JARID2: variants seen among roughly 807,000 people sequenced by gnomAD.
JARID2 encodes protein Jumonji.
Under a neutral mutation model 125.6 loss-of-function variants are expected in JARID2, and 21 were observed. That is an observed-to-expected ratio of 0.17 (90% CI 0.12 to 0.24). The LOEUF (loss-of-function observed/expected upper bound fraction) is 0.24, where lower values mean the gene tolerates loss of function less well. Ranked by LOEUF, JARID2 falls within the 10% of genes least tolerant of loss-of-function variation. JARID2 has a pLI of 1.00. For missense variants in JARID2, 1,303 were observed against 1,639.6 expected (o/e 0.79, Z 3.55); for synonymous variants, 736 against 661.6 (o/e 1.11, Z -1.73).
intron 1 of JARID2, among the ~76,000 whole-genome samples, chr6:15,283,350 T>A (rs1581366049): frequency 6.7e-6 from 1 of 148,784 alleles, no homozygotes; most frequent in Non-Finnish European, 1.5e-5. Flanking sequence ...TATTTTTTTT[T>A]TTTTTTTTGA....
intron 1 of JARID2, among the ~76,000 whole-genome samples, chr6:15,343,908 A>C (rs771530379): frequency 1.6e-4 from 25 of 152,122 alleles, no homozygotes; most frequent in Non-Finnish European, 3.2e-4. Context: ...TGCTACTTTT[A>C]GATTTACCTG....
intron 16 of JARID2, among the ~76,000 whole-genome samples, chr6:15,516,731 A>G (rs760080187): frequency 1.2e-3 from 178 of 152,314 alleles, no homozygotes; most frequent in Non-Finnish European, 1.8e-3. Flanking sequence ...GGAGTCCTCC[A>G]TGTTCCACAT....
chr6:15,322,572 A>G (rs570706203), intron 1 of JARID2, among the ~76,000 whole-genome samples: 2 of 152,300 alleles, frequency 1.3e-5, no homozygotes, highest in South Asian at 4.2e-4. Context: ...AGTTTTAATG[A>G]CATGAGAAAT....
chr6:15,496,506 G>A lies in JARID2; in HGVS notation c.1281G>A (p.Leu427=). Reference sequence around the variant, plus strand: ...CTAAGGAGGTGGGGGGGCGGCAGCTGCGGGAGGGCCTGCAGCTGCGGGAGG... The same window carrying A: ...CTAAGGAGGTGGGGGGGCGGCAGCTACGGGAGGGCCTGCAGCTGCGGGAGG... ...SCTKEVGGRQ[L]REGLQLREGL... Residue 427 remains leucine (L), a synonymous_variant, in exon 7 of 18, where the codon CTG becomes CTA. Coordinates refer to ENST00000341776, the MANE Select transcript of JARID2 (RefSeq NM_004973.4). 1 of 1,606,952 alleles carries A rather than the reference G, an allele frequency of 6.2e-7. No individual in the cohort carries two copies. Among genetic ancestry groups the A allele is most frequent in the African/African-American group, 1.3e-5 (1 of 74,928 alleles).
intron 1 of JARID2, among the ~76,000 whole-genome samples, chr6:15,304,303 T>TCCC (rs61333394): frequency 1.5e-4 from 4 of 26,746 alleles, no homozygotes; most frequent in South Asian, 1.6e-3. Context: ...AATTTGCTGA[T>TCCC]CCCCCCCCCC....
intron 1 of JARID2, among the ~76,000 whole-genome samples, chr6:15,301,671 T>A (rs1230227819): frequency 6.6e-6 from 1 of 152,234 alleles, no homozygotes; most frequent in Non-Finnish European, 1.5e-5. Flanking sequence ...CCATAGTGAT[T>A]TGATAGGAAG....
chr6:15,451,923 G>A (rs897311156), intron 3 of JARID2, 83 bp from the exon 4 acceptor site: 35 of 1,322,362 alleles, frequency 2.6e-5, no homozygotes, highest in African/African-American at 1.6e-4. Flanking sequence ...TTCCCCTTAT[G>A]TGTCATGATT....
chr6:15,469,276 GTCTCTCTGTC>G (rs1561884299), intron 5 of JARID2, among the ~76,000 whole-genome samples: 2 of 92,994 alleles, frequency 2.2e-5, no homozygotes, highest in Non-Finnish European at 4.6e-5. Flanking sequence ...CTGTCTCTCT[GTCTCTCTGTC>G]TCTGTCTCTC....
At chr6:15,356,783 G>C (rs1191485184) in intron 1 of JARID2, among the ~76,000 whole-genome samples, 1 of 152,164 alleles carries the variant, frequency 6.6e-6, no homozygotes, top group Non-Finnish European at 1.5e-5. Flanking sequence ...GGGAGGCCGA[G>C]GCAGGCGGAT....
chr6:15,434,328 G>T (rs1767109423), intron 3 of JARID2, among the ~76,000 whole-genome samples: 1 of 151,964 alleles, frequency 6.6e-6, no homozygotes, highest in Admixed American at 6.6e-5. Context: ...TAGCCTGTGG[G>T]GTTGTTTAGG....
chr6:15,411,362 G>T (rs1021910521), intron 3 of JARID2, among the ~76,000 whole-genome samples: 1 of 152,248 alleles, frequency 6.6e-6, no homozygotes, highest in Admixed American at 6.5e-5. Flanking sequence ...AGGACTGAAA[G>T]TTGAGATGCA....
intron 2 of JARID2, among the ~76,000 whole-genome samples, chr6:15,408,697 A>G (rs747185811): frequency 6.6e-6 from 1 of 152,268 alleles, no homozygotes. Context: ...ATATTAAATT[A>G]CAATTAAGTA....
rs1177877032 is a variant in JARID2, at chr6:15,513,062, G to T, written c.3266+17G>T. 2 of 1,613,924 alleles carry T rather than the reference G, an allele frequency of 1.2e-6. No homozygotes were observed. Among genetic ancestry groups the T allele is most frequent in the East Asian group, 2.2e-5 (1 of 44,840 alleles). The stretch of plus-strand genomic sequence containing the variant: ...TGAGCTCAGGTAACAGACCCCCAGA[G>T]CCCACGCCAGAGAGCTGGACCCGGC... On this transcript the variant is annotated intron_variant, in intron 15 of 17. Coordinates refer to ENST00000341776, the MANE Select transcript of JARID2 (RefSeq NM_004973.4).
At chr6:15,509,142 T>C (rs1245705672) in intron 12 of JARID2, 2 of 1,287,348 alleles carry the variant, frequency 1.6e-6, no homozygotes, top group Non-Finnish European at 2.0e-6. Context: ...CCATCCCTGA[T>C]TGAGGCTGGG....
chr6:15,394,173 C>T (rs941202379), intron 2 of JARID2, among the ~76,000 whole-genome samples: 2 of 152,086 alleles, frequency 1.3e-5, no homozygotes, highest in African/African-American at 4.8e-5. Context: ...ATTTGCCTTT[C>T]CCAGAGAATG....
chr6:15,382,215 A>G (rs1764616922), intron 2 of JARID2, among the ~76,000 whole-genome samples: 1 of 152,228 alleles, frequency 6.6e-6, no homozygotes, highest in Non-Finnish European at 1.5e-5. Context: ...GTGAGCCAAG[A>G]TCGCACCACT....
At chr6:15,401,752 G>A (rs1056376037) in intron 2 of JARID2, among the ~76,000 whole-genome samples, 4 of 152,120 alleles carry the variant, frequency 2.6e-5, no homozygotes, top group Non-Finnish European at 5.9e-5. Flanking sequence ...AACCTTCAAT[G>A]TTTGGTGCCT....
At position 15,461,513 on chromosome 6, in the gene JARID2, C is replaced by A. The variant is rs373072650; in HGVS notation, c.494-7029C>A. ...GGTCATTGCGTCATCCCTCCTTGTT[C>A]CTTAACAAAGACCAAAGGTTCAGCT... On this transcript the variant is annotated intron_variant, in intron 4 of 17. Coordinates refer to ENST00000341776, the MANE Select transcript of JARID2 (RefSeq NM_004973.4). 9.2e-5 allele frequency among the ~76,000 whole-genome samples: 14 copies of A among 152,252 alleles called. No individual in the cohort carries two copies. In the East Asian group the frequency reaches 2.5e-3, roughly 27 times the overall value.
chr6:15,423,826 G>A (rs960338852), intron 3 of JARID2, among the ~76,000 whole-genome samples: 1 of 152,156 alleles, frequency 6.6e-6, no homozygotes, highest in Admixed American at 6.5e-5. Flanking sequence ...ACATGTGTCT[G>A]GTGACCAGTG....
Sources: gnomAD v4.1 joint callset for allele counts (sites outside exome capture counted in the v4.1 genomes callset) on GRCh38, gnomAD v4.1.1 for gene constraint, MANE v1.5 for transcripts, NCBI Gene and HGNC (gene_info 2026-07-23, HGNC 2026-07-21) for gene names.